SRF: variants seen among roughly 807,000 people sequenced by gnomAD.
SRF encodes serum response factor.
In SRF, 7 loss-of-function variants were observed where a neutral mutation model predicts 37.1. The ratio of observed to expected loss-of-function variants is 0.19; its 90% CI spans 0.11 to 0.35. The LOEUF (loss-of-function observed/expected upper bound fraction) is 0.35, where lower values mean the gene tolerates loss of function less well. SRF is among the 10% of genes least tolerant of loss of function. The pLI is 1.00. For synonymous variants in SRF, 285 were observed against 310.1 expected (o/e 0.92, Z 0.85); for missense variants, 395 against 694.4 (o/e 0.57, Z 4.85).
In SRF at chr6:43,179,491, T is replaced by A; in HGVS notation, c.*301T>A. ...CTCGATGTTTGCCATGAGTATTAGCTTACCCAATGGGACCGTGCCCCACCT... is the reference window on the plus strand; with the variant it reads ...CTCGATGTTTGCCATGAGTATTAGCATACCCAATGGGACCGTGCCCCACCT... On this transcript the variant is annotated 3_prime_UTR_variant, in exon 7 of 7. Transcript: ENST00000265354. This position sits in a 1 kb window ranked among gnomAD's most constrained non-coding sequence, Gnocchi z 5.3. 2 of 434,396 alleles carry A rather than the reference T, an allele frequency of 4.6e-6. No individual in the cohort carries two copies. The highest frequency in any genetic ancestry group is 8.6e-6 in the Non-Finnish European group (2 of 231,726). The allele number at this position is 434,396 out of a possible 1,614,324, so 26.9% of individuals were successfully genotyped here. A position where few individuals can be genotyped will look rare whatever the true frequency, so the allele number is the denominator to read the frequency against.
Position 43,175,885 on chromosome 6 carries a change from G to A in SRF, c.960G>A (p.Gly320=). ...VSPSAVSSAN[G]TVLKSTGSGP... ...CCAGTGCTGTCAGCAGTGCCAATGGGACTGTGCTGAAGAGTACAGGCAGCG... is the reference window on the plus strand; with the variant it reads ...CCAGTGCTGTCAGCAGTGCCAATGGAACTGTGCTGAAGAGTACAGGCAGCG... Residue 320 remains glycine, a synonymous_variant, in exon 3 of 7, where the codon GGG becomes GGA. Transcript: ENST00000265354. The A allele has an allele frequency of 6.2e-7, 1 of 1,614,174 alleles. No individual in the cohort carries two copies. The highest frequency in any genetic ancestry group is 8.5e-7 in the Non-Finnish European group (1 of 1,180,032).
chr6:43,173,800 G>A lies in SRF; in HGVS notation c.514-47G>A, dbSNP rs1262481821. 1.9e-6 allele frequency: 3 copies of A among 1,586,898 alleles called. No individual in the cohort carries two copies. Among genetic ancestry groups the A allele is most frequent in the Non-Finnish European group, 2.6e-6 (3 of 1,164,898 alleles). ...TTTTTCCAACTTCTCAAGGAAGGTA[G>A]AGATAAAAAGTTTGCTGACCTGCCC... On this transcript the variant is annotated intron_variant, in intron 1 of 6. Coordinates refer to ENST00000265354, the MANE Select transcript of SRF (RefSeq NM_003131.4). The surrounding 1 kb of genome is among the most constrained non-coding windows in gnomAD (Gnocchi z 4.2).
Position 43,179,700 on chromosome 6 carries a change from A to C in SRF, c.*510A>C. ...GGGGAGATGGGGGCTTCTTCCTCAC[A>C]CTGCTGTCCTCTCCCCCTTCAGCTC... On this transcript the variant is annotated 3_prime_UTR_variant, in exon 7 of 7. Transcript: ENST00000265354. The surrounding 1 kb of genome is among the most constrained non-coding windows in gnomAD (Gnocchi z 5.3). The C allele has an allele frequency of 5.8e-6, 1 of 171,654 alleles. No homozygotes were observed. Among genetic ancestry groups the C allele is most frequent in the Non-Finnish European group, 1.3e-5 (1 of 78,394 alleles). 10.6% of individuals were successfully genotyped at this position (171,654 alleles called of 1,614,324 possible).
At position 43,176,694 on chromosome 6, in the gene SRF, C is replaced by T; in HGVS notation, c.1162+27C>T. 6.2e-7 allele frequency: 1 copy of T among 1,606,900 alleles called. No homozygotes were observed. The highest frequency in any genetic ancestry group is 1.1e-5 in the South Asian group (1 of 90,792). On this transcript the variant is annotated intron_variant, in intron 4 of 6. Coordinates refer to ENST00000265354, the MANE Select transcript of SRF (RefSeq NM_003131.4). The surrounding 1 kb of genome is among the most constrained non-coding windows in gnomAD (Gnocchi z 4.0). ...TATAGCTCGCAGCCCTGTCACCCTC[C>T]CTCCCTGCCTTCCCCCACGAGGCCT...
At position 43,176,540 on chromosome 6, in the gene SRF, T is replaced by A; in HGVS notation, c.1043-8T>A. 3 of 1,614,040 alleles carry A rather than the reference T, an allele frequency of 1.9e-6. No individual in the cohort carries two copies. The highest frequency in any genetic ancestry group is 2.5e-6 in the Non-Finnish European group (3 of 1,179,938). ...GACAGAGCACAAATAAGACTCTGTG[T>A]CTTGCAGGTGGGGCAGTGGCCCAGC... On this transcript the variant is annotated splice_region_variant and splice_polypyrimidine_tract_variant and intron_variant, in intron 3 of 6. Coordinates refer to ENST00000265354, the MANE Select transcript of SRF (RefSeq NM_003131.4). The surrounding 1 kb of genome is among the most constrained non-coding windows in gnomAD (Gnocchi z 4.0).
chr6:43,179,325 T>A lies in SRF; in HGVS notation c.*135T>A. On this transcript the variant is annotated 3_prime_UTR_variant, in exon 7 of 7. Transcript: ENST00000265354. The surrounding 1 kb of genome is among the most constrained non-coding windows in gnomAD (Gnocchi z 5.3). Reference sequence around the variant, plus strand: ...GAGGAGGAACGGGCAGCCACAGGACTGAGCCCTCTCACTCCAGCCAAAGAA... The same window carrying A: ...GAGGAGGAACGGGCAGCCACAGGACAGAGCCCTCTCACTCCAGCCAAAGAA... 1.1e-6 allele frequency: 1 copy of A among 885,640 alleles called. No individual in the cohort carries two copies. Among genetic ancestry groups the A allele is most frequent in the Non-Finnish European group, 1.8e-6 (1 of 564,234 alleles). The allele number at this position is 885,640 out of a possible 1,614,324, so 54.9% of individuals were successfully genotyped here.
chr6:43,172,757 C>T lies in SRF; in HGVS notation c.513+588C>T, dbSNP rs1342477741. Among the ~76,000 whole-genome samples the T allele has an allele frequency of 6.6e-6, 1 of 152,106 alleles. No homozygotes were observed. Among genetic ancestry groups the T allele is most frequent in the Non-Finnish European group, 1.5e-5 (1 of 68,014 alleles). On this transcript the variant is annotated intron_variant, in intron 1 of 6. Transcript: ENST00000265354. The surrounding 1 kb of genome is among the most constrained non-coding windows in gnomAD (Gnocchi z 5.7). ...AGCAGGAACCTAGTCCTGCGCCGGC[C>T]GTGAGTCTTCCATGGCATCCACTGG...
Position 43,178,429 on chromosome 6 carries a change from C to G in SRF, c.1298C>G (p.Ala433Gly). 1 of 1,614,102 alleles carries G rather than the reference C, an allele frequency of 6.2e-7. No individual in the cohort carries two copies. The highest frequency in any genetic ancestry group is 8.5e-7 in the Non-Finnish European group (1 of 1,180,036). ...LGDGSLTVLN[A>G]FSQAPSTMQV... is the part of the protein sequence containing the mutation. ...GATGGCAGCCTCACCGTGCTGAATG[C>G]CTTCTCCCAGGCACCATCCACCATG... is the stretch of plus-strand genomic sequence containing the variant. The change falls in exon 5 of 7, where the codon GCC (alanine) becomes GGC (glycine). Residue 433 changes from alanine (A) to glycine (G), a missense_variant. Physicochemically the swap from Ala to Gly is moderately conservative, Grantham distance 60. This residue lies in a region of SRF where 232 missense variants were observed against 335.6 expected (regional missense o/e 0.69). Coordinates refer to ENST00000265354, the MANE Select transcript of SRF (RefSeq NM_003131.4). The surrounding 1 kb of genome is among the most constrained non-coding windows in gnomAD (Gnocchi z 4.3).
chr6:43,175,611 T>C, intron 2 of SRF, 95 bp from the exon 3 acceptor site: 1 of 1,531,922 alleles, frequency 6.5e-7, no homozygotes, highest in Non-Finnish European at 8.9e-7. Flanking sequence ...GAACCCAAGC[T>C]CACTGGTTTC....
Position 43,178,593 on chromosome 6 carries a change from C to G in SRF, c.1354+108C>G. 1 of 1,402,748 alleles carries G rather than the reference C, an allele frequency of 7.1e-7. No homozygotes were observed. The highest frequency in any genetic ancestry group is 9.8e-7 in the Non-Finnish European group (1 of 1,019,688). 86.9% of individuals were successfully genotyped at this position (1,402,748 alleles called of 1,614,324 possible). On this transcript the variant is annotated intron_variant, in intron 5 of 6. Transcript: ENST00000265354. The surrounding 1 kb of genome is among the most constrained non-coding windows in gnomAD (Gnocchi z 4.3). ...CACTGATGCCTACAAATATTTCTACCCAAATACAACACAGACTTGGATGCT... is the reference window on the plus strand; with the variant it reads ...CACTGATGCCTACAAATATTTCTACGCAAATACAACACAGACTTGGATGCT...
In SRF at chr6:43,178,382, T is replaced by C. The variant is rs749685699; in HGVS notation, c.1251T>C (p.Tyr417=). The C allele has an allele frequency of 3.1e-6, 5 of 1,613,952 alleles. No individual in the cohort carries two copies. Among genetic ancestry groups the C allele is most frequent in the Non-Finnish European group, 4.2e-6 (5 of 1,180,020 alleles). ...ACCCTAGCCCGCATGCGGTGATGTA[T>C]GCCCCCACCTCGGGCCTGGGTGATG... ...MMYPSPHAVM[Y]APTSGLGDGS... Residue 417 remains tyrosine (Y), a synonymous_variant, in exon 5 of 7, where the codon TAT becomes TAC. Coordinates refer to ENST00000265354, the MANE Select transcript of SRF (RefSeq NM_003131.4). This position sits in a 1 kb window ranked among gnomAD's most constrained non-coding sequence, Gnocchi z 4.3.
In SRF at chr6:43,177,324, G is replaced by A. The variant is rs377037803; in HGVS notation, c.1162+657G>A. On this transcript the variant is annotated intron_variant, in intron 4 of 6. Coordinates refer to ENST00000265354, the MANE Select transcript of SRF (RefSeq NM_003131.4). Reference sequence around the variant, plus strand: ...GGCTCACTGCAAGCTCTGCCTCCCGGGTTCACGCTATTCTCCTGCCTCAGC... The same window carrying A: ...GGCTCACTGCAAGCTCTGCCTCCCGAGTTCACGCTATTCTCCTGCCTCAGC... Among the ~76,000 whole-genome samples the A allele has an allele frequency of 4.0e-5, 6 of 148,944 alleles. No individual in the cohort carries two copies. In the East Asian group the frequency reaches 1.0e-3, roughly 25 times the overall value.
Position 43,179,207 on chromosome 6 carries a change from G to C in SRF, c.*17G>C. ...AGTGAATGATCCGCCCGCCGCCCTG[G>C]ACAGATGGCCCAAGGGATGGCACCA... On this transcript the variant is annotated 3_prime_UTR_variant, in exon 7 of 7. Transcript: ENST00000265354. The surrounding 1 kb of genome is among the most constrained non-coding windows in gnomAD (Gnocchi z 5.3). The C allele has an allele frequency of 6.2e-7, 1 of 1,613,876 alleles. No individual in the cohort carries two copies.
At position 43,172,242 on chromosome 6, in the gene SRF, C is replaced by T. The variant is rs1213626977; in HGVS notation, c.513+73C>T. On this transcript the variant is annotated intron_variant, in intron 1 of 6. Transcript: ENST00000265354. The surrounding 1 kb of genome is among the most constrained non-coding windows in gnomAD (Gnocchi z 5.7). ...GATGTGCAAAGGGAGCCCGGGAGGA[C>T]CGCAGAGCCGAGGCGGAGGTGAGAG... The T allele has an allele frequency of 1.3e-6, 2 of 1,541,650 alleles. No homozygotes were observed. Among genetic ancestry groups the T allele is most frequent in the Non-Finnish European group, 8.7e-7 (1 of 1,150,052 alleles).
In SRF at chr6:43,178,275, A is replaced by C. The variant is rs983395118; in HGVS notation, c.1163-19A>C. ...CAGTGGGGACCAGTGCCGAGCTGAC[A>C]CATGTCTGTGTTTGCCAGTGACGCT... On this transcript the variant is annotated intron_variant, in intron 4 of 6. Coordinates refer to ENST00000265354, the MANE Select transcript of SRF (RefSeq NM_003131.4). This position sits in a 1 kb window ranked among gnomAD's most constrained non-coding sequence, Gnocchi z 4.3. The C allele has an allele frequency of 6.3e-7, 1 of 1,583,058 alleles. No homozygotes were observed. Among genetic ancestry groups the C allele is most frequent in the Non-Finnish European group, 8.6e-7 (1 of 1,157,742 alleles).
rs747599471 is a variant in SRF at position 43,176,673 on chromosome 6, G to A, written c.1162+6G>A. On this transcript the variant is annotated splice_donor_region_variant and intron_variant, in intron 4 of 6. Coordinates refer to ENST00000265354, the MANE Select transcript of SRF (RefSeq NM_003131.4). The surrounding 1 kb of genome is among the most constrained non-coding windows in gnomAD (Gnocchi z 4.0). ...GACCTCCTCCAGCGGGACAGGTATA[G>A]CTCGCAGCCCTGTCACCCTCCCTCC... 6.2e-7 allele frequency: 1 copy of A among 1,613,430 alleles called. No homozygotes were observed. Among genetic ancestry groups the A allele is most frequent in the Non-Finnish European group, 8.5e-7 (1 of 1,179,514 alleles).
At chr6:43,177,809 G>A (rs558740316) in intron 4 of SRF, among the ~76,000 whole-genome samples, 1 of 151,534 alleles carries the variant, frequency 6.6e-6, no homozygotes, top group Non-Finnish European at 1.5e-5. Flanking sequence ...CAGCTACTCG[G>A]GAGGCTGAGG....
At position 43,175,928 on chromosome 6, in the gene SRF, G is replaced by T; in HGVS notation, c.1003G>T (p.Gly335Cys). The T allele has an allele frequency of 1.2e-6, 2 of 1,613,948 alleles. No individual in the cohort carries two copies. The highest frequency in any genetic ancestry group is 2.2e-5 in the South Asian group (2 of 91,086). ...AGGCAGCGGCCCTGTCTCCTCTGGG[G>T]GCCTTATGCAGCTGCCTACCAGCTT... ...STGSGPVSSGGLMQLPTSFTL... is the reference protein window; with the variant it reads ...STGSGPVSSGCLMQLPTSFTL... Residue 335 changes from glycine to cysteine, a missense_variant, in exon 3 of 7, where the codon GGC becomes TGC. Coordinates refer to ENST00000265354, the MANE Select transcript of SRF (RefSeq NM_003131.4).
Position 43,176,587 on chromosome 6 carries a change from A to C in SRF, c.1082A>C (p.Gln361Pro), listed in dbSNP as rs1039514449. Residue 361 changes from glutamine (Q) to proline (P), a missense_variant, in exon 4 of 7, where the codon CAA (glutamine) becomes CCA (proline). Gln to Pro is a moderately conservative substitution (Grantham distance 76). Around this residue, in one of 4 missense-constraint regions of SRF, gnomAD observed 232 missense variants for 335.6 expected, o/e 0.69. Transcript: ENST00000265354. The surrounding 1 kb of genome is among the most constrained non-coding windows in gnomAD (Gnocchi z 4.0). ...CAGCAGGTCCCAGTGCAGGCCATTC[A>C]AGTGCACCAGGCCCCACAGCAAGCG... ...VAQQVPVQAI[Q>P]VHQAPQQASP... 3.1e-6 allele frequency: 5 copies of C among 1,613,990 alleles called. No individual in the cohort carries two copies. The highest frequency in any genetic ancestry group is 1.6e-4 in the Middle Eastern group (1 of 6,084).
Sources: gnomAD v4.1 joint callset for allele counts (sites outside exome capture counted in the v4.1 genomes callset) on GRCh38, gnomAD v4.1.1 for gene constraint, gnomAD v4.1.1 regional missense constraint, Gnocchi (gnomAD v3.1) non-coding constraint, MANE v1.5 for transcripts, NCBI Gene and HGNC (gene_info 2026-07-23, HGNC 2026-07-21) for gene names.